The following GPR33 variants were observed in gnomAD, a reference collection of about 807,000 sequenced individuals.
GPR33 encodes G protein-coupled receptor 33.
GPR33 carries 4 observed loss-of-function variants against 3.1 expected under a neutral mutation model. That is an observed-to-expected ratio of 1.29 (90% CI 0.64 to 2.96). GPR33 has a LOEUF of 2.96. GPR33 is among the 30% of genes most tolerant of loss of function. The pLI is 0.01. For missense variants in GPR33, 390 were observed against 388.9 expected (o/e 1.00, Z -0.02); for synonymous variants, 138 against 142.0 (o/e 0.97, Z 0.20).
chr14:31,485,450 A>G (rs967635101), intron 1 of GPR33, among the ~76,000 whole-genome samples: 5 of 151,520 alleles, frequency 3.3e-5, no homozygotes, highest in African/African-American at 9.7e-5. Context: ...CCTGGCCAAC[A>G]TGGTGAAACC....
At chr14:31,486,180 C>T (rs1241769007) in intron 1 of GPR33, among the ~76,000 whole-genome samples, 2 of 152,302 alleles carry the variant, frequency 1.3e-5, no homozygotes, top group Admixed American at 6.5e-5. Flanking sequence ...CTCACTGCAG[C>T]GTGGAACTCC....
rs2032374892 is a variant in GPR33 at position 31,482,878 on chromosome 14, C to A, written c.*86G>T. On this transcript the variant is annotated 3_prime_UTR_variant, in exon 2 of 2. Transcript: ENST00000399285. ...TCTCTAATATAGGGACTATAGCATA[C>A]AAAAGCAGAAGGTATATCCTATTGG... 1.7e-6 allele frequency: 2 copies of A among 1,170,154 alleles called. No individual in the cohort carries two copies. The highest frequency in any genetic ancestry group is 2.3e-6 in the Non-Finnish European group (2 of 858,162). 72.5% of individuals were successfully genotyped at this position (1,170,154 alleles called of 1,614,324 possible).
intron 1 of GPR33, among the ~76,000 whole-genome samples, chr14:31,485,172 G>T (rs374728908): frequency 6.6e-6 from 1 of 151,622 alleles, no homozygotes; most frequent in Non-Finnish European, 1.5e-5. Flanking sequence ...CTGACTTCAG[G>T]TAATCCATCC....
chr14:31,484,891 C>A (rs1028761984), intron 1 of GPR33, among the ~76,000 whole-genome samples: 1 of 151,830 alleles, frequency 6.6e-6, no homozygotes, highest in African/African-American at 2.4e-5. Context: ...TTGTGAAGTA[C>A]CTTCAGAATC....
In GPR33 at chr14:31,483,623, A is replaced by G; in HGVS notation, c.343T>C (p.Ser115Pro). 6.5e-7 allele frequency: 1 copy of G among 1,536,196 alleles called. No homozygotes were observed. Among genetic ancestry groups the G allele is most frequent in the South Asian group, 1.2e-5 (1 of 84,068 alleles). The change falls in exon 2 of 2, where the codon TCT becomes CCT. Residue 115 changes from serine to proline, a missense_variant. Transcript: ENST00000399285. ...CCGATGGCCGAAAGGAAGAAAACAGAGGTGAACATCCCCAGAGACAAAGTG... is the reference window on the plus strand; with the variant it reads ...CCGATGGCCGAAAGGAAGAAAACAGGGGTGAACATCCCCAGAGACAAAGTG... ...NGTLSLGMFT[S>P]VFFLSAIGLD...
intron 1 of GPR33, among the ~76,000 whole-genome samples, chr14:31,485,420 G>A (rs979939949): frequency 1.6e-4 from 24 of 151,512 alleles, no homozygotes; most frequent in African/African-American, 5.8e-4. Flanking sequence ...CGGATCACAA[G>A]GTCAGGAGAT....
At chr14:31,485,449 C>T (rs1419983072) in intron 1 of GPR33, among the ~76,000 whole-genome samples, 2 of 151,464 alleles carry the variant, frequency 1.3e-5, no homozygotes, top group Non-Finnish European at 2.9e-5. Context: ...TCCTGGCCAA[C>T]ATGGTGAAAC....
At chr14:31,485,570 G>T (rs2139380111) in intron 1 of GPR33, among the ~76,000 whole-genome samples, 1 of 150,778 alleles carries the variant, frequency 6.6e-6, no homozygotes, top group South Asian at 2.1e-4. Flanking sequence ...GGAGGCAGAG[G>T]TTGCAGTGAG....
intron 1 of GPR33, among the ~76,000 whole-genome samples, chr14:31,485,563 G>A (rs1322296529): frequency 1.3e-5 from 2 of 151,166 alleles, no homozygotes; most frequent in African/African-American, 4.9e-5. Flanking sequence ...GAACCTGGGA[G>A]GCAGAGGTTG....
At chr14:31,486,177 C>G (rs79310486) in intron 1 of GPR33, among the ~76,000 whole-genome samples, 1 of 152,186 alleles carries the variant, frequency 6.6e-6, no homozygotes, top group African/African-American at 2.4e-5. Flanking sequence ...TAGCTCACTG[C>G]AGCGTGGAAC....
Position 31,483,355 on chromosome 14 carries a change from G to C in GPR33, c.611C>G (p.Ala204Gly). 2.0e-6 allele frequency: 3 copies of C among 1,536,170 alleles called. No individual in the cohort carries two copies. In the South Asian group the frequency reaches 3.6e-5, roughly 18 times the overall value. ...MQASRQWIHV[A>G]CFISRFLLGF... is the part of the protein sequence containing the mutation. ...CAGCAAGAAGCGGCTGATGAAACAG[G>C]CCACATGAATCCACTGCCTTGATGC... Residue 204 changes from alanine to glycine, a missense_variant, in exon 2 of 2, where the codon GCC (alanine) becomes GGC (glycine). Physicochemically the swap from Ala to Gly is moderately conservative, Grantham distance 60 (BLOSUM62 0). Transcript: ENST00000399285.
rs927260792 is a variant in GPR33, at chr14:31,483,832, A to G, written c.134T>C (p.Ile45Thr). 3 of 1,535,970 alleles carry G rather than the reference A, an allele frequency of 2.0e-6. No homozygotes were observed. The highest frequency in any genetic ancestry group is 1.4e-5 in the African/African-American group (1 of 73,054). Reference protein sequence around the residue: ...SLYISSIIGTITNGLYLWVLR... With the variant: ...SLYISSIIGTTTNGLYLWVLR... ...CACCCATAGATAGAGGCCATTGGTGATGGTACCAATTATAGATGAAATGTA... is the reference window on the plus strand; with the variant it reads ...CACCCATAGATAGAGGCCATTGGTGGTGGTACCAATTATAGATGAAATGTA... The change falls in exon 2 of 2, where the codon ATC becomes ACC. Residue 45 changes from isoleucine to threonine, a missense_variant. Ile to Thr is a moderately conservative substitution (Grantham distance 89). Coordinates refer to ENST00000399285, the MANE Select transcript of GPR33 (RefSeq NM_001197184.3).
rs2032382821 is a variant in GPR33 at position 31,483,405 on chromosome 14, A to G, written c.561T>C (p.Thr187=). The G allele has an allele frequency of 1.3e-6, 2 of 1,536,030 alleles. No homozygotes were observed. Among genetic ancestry groups the G allele is most frequent in the Non-Finnish European group, 1.7e-6 (2 of 1,146,918 alleles). The change falls in exon 2 of 2, where the codon ACT becomes ACC. Residue 187 remains threonine, a synonymous_variant. Coordinates refer to ENST00000399285, the MANE Select transcript of GPR33 (RefSeq NM_001197184.3). ...VTCQNNYAVS[T]NWESKEMQAS... ...CTTGCATCTCCTTGCTTTCCCAGTT[A>G]GTAGACACAGCATAGTTATTTTGGC...
chr14:31,483,670 G>A lies in GPR33; in HGVS notation c.296C>T (p.Ala99Val). The change falls in exon 2 of 2, where the codon GCC becomes GTC. Residue 99 changes from alanine (A) to valine (V), a missense_variant. Transcript: ENST00000399285. ...LQDNHWNFGT[A>V]LCKVFNGTLS... ...AGTGCCATTGAAGACCTTGCACAAG[G>A]CAGTTCCAAAGTTCCAGTGATTGTC... The A allele has an allele frequency of 1.3e-6, 2 of 1,536,190 alleles. No individual in the cohort carries two copies. Among genetic ancestry groups the A allele is most frequent in the Middle Eastern group, 1.7e-4 (1 of 5,990 alleles).
Position 31,483,562 on chromosome 14 carries a change from C to A in GPR33, c.404G>T (p.Trp135Leu). The change falls in exon 2 of 2, where the codon TGG becomes TTG. Residue 135 changes from tryptophan (W) to leucine (L), a missense_variant. Trp to Leu is a moderately conservative substitution (Grantham distance 61). Coordinates refer to ENST00000399285, the MANE Select transcript of GPR33 (RefSeq NM_001197184.3). Reference protein sequence around the residue: ...DRYLLTLHPVWSQQHRTPRWA... With the variant: ...DRYLLTLHPVLSQQHRTPRWA... ...GCGCGGGGTTCGGTGCTGCTGGGAC[C>A]ACACTGGGTGAAGAGTGAGAAGGTA... 1 of 1,536,142 alleles carries A rather than the reference C, an allele frequency of 6.5e-7. No homozygotes were observed. Among genetic ancestry groups the A allele is most frequent in the South Asian group, 1.2e-5 (1 of 84,060 alleles).
rs2032437431 is a variant in GPR33, at chr14:31,487,912, T to A, written c.-22A>T. On this transcript the variant is annotated 5_prime_UTR_variant, in exon 1 of 2. It introduces an in-frame stop codon into an upstream open reading frame of the 5' UTR. Transcript: ENST00000399285. Reference sequence around the variant, plus strand: ...AGAATCTTACCTCAGACCTGTATCTTCATGCCAGATTGGTCTTGAGCAGGC... The same window carrying A: ...AGAATCTTACCTCAGACCTGTATCTACATGCCAGATTGGTCTTGAGCAGGC... The A allele has an allele frequency of 1.3e-5, 2 of 152,316 alleles. No individual in the cohort carries two copies. The highest frequency in any genetic ancestry group is 4.1e-4 in the South Asian group (2 of 4,824). The allele number at this position is 152,316 out of a possible 1,614,324, so 9.4% of individuals were successfully genotyped here.
chr14:31,483,301 A>C lies in GPR33; in HGVS notation c.665T>G (p.Ile222Ser). ...GCTGGCTACTCTTTCATAACAAAAG[A>C]TGATGATGAAGAAAGGCAGAAGAAA... ...LGFLLPFFII[I>S]FCYERVASKV... Residue 222 changes from isoleucine to serine, a missense_variant, in exon 2 of 2, where the codon ATC becomes AGC. Physicochemically the swap from Ile to Ser is moderately radical, Grantham distance 142 (BLOSUM62 -2). Transcript: ENST00000399285. The C allele has an allele frequency of 1.3e-6, 2 of 1,536,136 alleles. No individual in the cohort carries two copies. The highest frequency in any genetic ancestry group is 1.7e-6 in the Non-Finnish European group (2 of 1,146,906).
chr14:31,483,583 AG>A lies in GPR33; in HGVS notation c.382del (p.Leu128PhefsTer37). 6.5e-7 allele frequency: 1 copy of A among 1,536,178 alleles called. No individual in the cohort carries two copies. On this transcript the variant is annotated frameshift_variant, in exon 2 of 2. Transcript: ENST00000399285. LOFTEE classifies it low-confidence loss of function (END_TRUNC). ...FLSAIGLDRY[L>X]LTLHPVWSQQ... ...GGACCACACTGGGTGAAGAGTGAGA[AG>A]GTAACGATCAAGACCGATGGCCGAA...
Position 31,483,797 on chromosome 14 carries a change from T to G in GPR33, c.169A>C (p.Lys57Gln). 2.6e-6 allele frequency: 4 copies of G among 1,536,122 alleles called. No individual in the cohort carries two copies. Among genetic ancestry groups the G allele is most frequent in the Non-Finnish European group, 2.6e-6 (3 of 1,146,886 alleles). The change falls in exon 2 of 2, where the codon AAG becomes CAG. Residue 57 changes from lysine to glutamine, a missense_variant. Transcript: ENST00000399285. ...NGLYLWVLRFKMKQTVNTLLF... is the reference protein window; with the variant it reads ...NGLYLWVLRFQMKQTVNTLLF... ...AGAGTATTGACAGTCTGTTTCATCT[T>G]GAATCTTAGCACCCATAGATAGAGG... is the stretch of plus-strand genomic sequence containing the variant.
Sources: allele counts gnomAD v4.1 joint callset (sites outside exome capture counted in the v4.1 genomes callset), GRCh38; gene constraint gnomAD v4.1.1; transcripts MANE v1.5; gene names NCBI Gene and HGNC (gene_info 2026-07-23, HGNC 2026-07-21).